COL27A1: variants seen among roughly 807,000 people sequenced by gnomAD.
COL27A1 encodes collagen alpha-1(XXVII) chain.
A neutral mutation model predicts 251.3 loss-of-function variants in COL27A1; 106 were observed. The ratio of observed to expected loss-of-function variants is 0.42; its 90% CI spans 0.36 to 0.50. COL27A1 has a LOEUF of 0.50. COL27A1 is among the 20% of genes least tolerant of loss of function. COL27A1 has a pLI of 0.00. For missense variants in COL27A1, 2,325 were observed against 2,522.8 expected (o/e 0.92, Z 1.68); for synonymous variants, 1,000 against 986.3 (o/e 1.01, Z -0.26).
chr9:114,234,912 C>CAAAAA (rs999381150), intron 16 of COL27A1, among the ~76,000 whole-genome samples: 1 of 105,728 alleles, frequency 9.5e-6, no homozygotes, highest in East Asian at 2.7e-4. Context: ...ACTAAAAATA[C>CAAAAA]AAAAAAAAAA....
chr9:114,290,150 G>GGCCCCCCCCCCCCC lies in COL27A1; in HGVS notation c.4260+39_4260+40insGCCCCCCCCCCCCC. ...GCTGCTGTTTCCAGCCAACCTCCCT[G>GGCCCCCCCCCCCCC]CCCGCCCCCCACACCCGCCCTCCTC... is the stretch of plus-strand genomic sequence containing the variant. On this transcript the variant is annotated intron_variant, in intron 46 of 60. Transcript: ENST00000356083. This position sits in a 1 kb window ranked among gnomAD's most constrained non-coding sequence, Gnocchi z 4.6. The GGCCCCCCCCCCCCC allele has an allele frequency of 6.3e-7, 1 of 1,593,548 alleles. No individual in the cohort carries two copies.
In COL27A1 at chr9:114,196,087, T is replaced by A; in HGVS notation, c.2124+75T>A. 2.4e-6 allele frequency: 3 copies of A among 1,273,628 alleles called. No individual in the cohort carries two copies. The Admixed American group carries it at 5.2e-5, about 22-fold the overall frequency. 78.9% of individuals were successfully genotyped at this position (1,273,628 alleles called of 1,614,324 possible). A position where few individuals can be genotyped will look rare whatever the true frequency, so the allele number is the denominator to read the frequency against. ...GCCAGGTCTTCAGGCAGAAGAGCTG[T>A]GGGCCCACCTGCCTCTCCCCAGCCC... On this transcript the variant is annotated intron_variant, in intron 7 of 60. Coordinates refer to ENST00000356083, the MANE Select transcript of COL27A1 (RefSeq NM_032888.4).
chr9:114,167,773 G>A lies in COL27A1; in HGVS notation c.218G>A (p.Gly73Asp), dbSNP rs1848993632. ...CCGGGAGTCATTCCTTTCCAGTCGG[G>A]CTTCATCTTTACGCAGCGGGCCCGG... Reference protein sequence around the residue: ...APPGVIPFQSGFIFTQRARLQ... With the variant: ...APPGVIPFQSDFIFTQRARLQ... Residue 73 changes from glycine to aspartate, a missense_variant, in exon 3 of 61, where the codon GGC (glycine) becomes GAC (aspartate). By Grantham distance (94) the Gly-to-Asp change is moderately conservative. Transcript: ENST00000356083. 1 of 1,613,760 alleles carries A rather than the reference G, an allele frequency of 6.2e-7. No homozygotes were observed. Among genetic ancestry groups the A allele is most frequent in the Admixed American group, 1.7e-5 (1 of 60,032 alleles).
At position 114,266,625 on chromosome 9, in the gene COL27A1, G is replaced by A; in HGVS notation, c.3447+7G>A. On this transcript the variant is annotated splice_region_variant and intron_variant, in intron 33 of 60. Transcript: ENST00000356083. Reference sequence around the variant, plus strand: ...AGGAGAGATGGGACCCAAGGTGAGTGTGAGAGACCCTTATTCGTCCCATGA... The same window carrying A: ...AGGAGAGATGGGACCCAAGGTGAGTATGAGAGACCCTTATTCGTCCCATGA... 6.2e-7 allele frequency: 1 copy of A among 1,613,034 alleles called. No homozygotes were observed. Among genetic ancestry groups the A allele is most frequent in the Non-Finnish European group, 8.5e-7 (1 of 1,179,044 alleles).
intron 13 of COL27A1, 133 bp downstream of exon 13, chr9:114,219,977 T>C (rs747602501): frequency 2.9e-6 from 2 of 700,072 alleles, no homozygotes; most frequent in Non-Finnish European, 5.1e-6. Flanking sequence ...CTGGGCACCC[T>C]TGGACAAATT....
At chr9:114,258,249 A>G (rs1277640003) in intron 27 of COL27A1, among the ~76,000 whole-genome samples, 1 of 152,172 alleles carries the variant, frequency 6.6e-6, no homozygotes. Flanking sequence ...AGGAGAAGAA[A>G]ATGTCATGCA....
chr9:114,163,653 G>C (rs1163760983), intron 2 of COL27A1, among the ~76,000 whole-genome samples: 1 of 152,214 alleles, frequency 6.6e-6, no homozygotes, highest in Non-Finnish European at 1.5e-5. Context: ...CGTGTGCTGG[G>C]GCAGGCAGCC....
intron 49 of COL27A1, 41 bp downstream of exon 49, chr9:114,292,251 A>G (rs1156353455): frequency 1.4e-6 from 2 of 1,396,256 alleles, no homozygotes; most frequent in South Asian, 2.5e-5. Context: ...ACGCACTCAC[A>G]CATGCACACA....
At chr9:114,287,726 C>T (rs957056094) in intron 41 of COL27A1, among the ~76,000 whole-genome samples, 3 of 152,138 alleles carry the variant, frequency 2.0e-5, no homozygotes, top group Non-Finnish European at 4.4e-5. Flanking sequence ...ACACAGCCCC[C>T]ATGCTGACTG....
chr9:114,165,545 T>A (rs1457777092), intron 2 of COL27A1, among the ~76,000 whole-genome samples: 1 of 149,730 alleles, frequency 6.7e-6, no homozygotes, highest in African/African-American at 2.5e-5. Flanking sequence ...CAGCCAGCCA[T>A]TATCCATGCA....
intron 12 of COL27A1, among the ~76,000 whole-genome samples, chr9:114,212,042 G>A (rs2135342688): frequency 6.6e-6 from 1 of 152,346 alleles, no homozygotes; most frequent in East Asian, 1.9e-4. Context: ...GGGCATGTTA[G>A]CTGTTGGAGC....
At position 114,216,082 on chromosome 9, in the gene COL27A1, G is replaced by A. The variant is rs141965531; in HGVS notation, c.2368-3709G>A. The stretch of plus-strand genomic sequence containing the variant: ...GGCATCCTGCTTTGGATGTGGTGGC[G>A]AGGACCGTCCCTGTCCTCAGCTCTA... On this transcript the variant is annotated intron_variant, in intron 12 of 60. Transcript: ENST00000356083. 7.4e-4 allele frequency among the ~76,000 whole-genome samples: 112 copies of A among 152,334 alleles called. 1 individual carries two copies. The East Asian group carries it at 0.018, about 24-fold the overall frequency.
chr9:114,232,653 C>A lies in COL27A1; in HGVS notation c.2565+787C>A, dbSNP rs529078860. Among the ~76,000 whole-genome samples the A allele has an allele frequency of 3.3e-5, 5 of 152,316 alleles. No homozygotes were observed. In the East Asian group the frequency reaches 5.8e-4, roughly 18 times the overall value. ...AGCCCCTCATGTGGTCAGGTGACAC[C>A]GCACCTGTCTCTAGGTGCCTCTGCT... On this transcript the variant is annotated intron_variant, in intron 16 of 60. Transcript: ENST00000356083.
rs114770711 is a variant in COL27A1 at position 114,269,274 on chromosome 9, C to G, written c.3535C>G (p.Gln1179Glu). The change falls in exon 35 of 61, where the codon CAG (glutamine) becomes GAG (glutamate). Residue 1179 changes from glutamine (Q) to glutamate (E), a missense_variant. Gln to Glu is a conservative substitution (Grantham distance 29). This residue lies in a region of COL27A1 where 662 missense variants were observed against 795.3 expected (regional missense o/e 0.83). Transcript: ENST00000356083. ...TGGACCCCTGGGCACTCCTGGGGAG[C>G]AGGGCCTCATTGGGCAACGGGTAAG... Reference protein sequence around the residue: ...DLGPLGTPGEQGLIGQRGEPG... With the variant: ...DLGPLGTPGEEGLIGQRGEPG... 2.4e-4 allele frequency: 390 copies of G among 1,608,116 alleles called. No homozygotes were observed. The African/African-American group carries it at 4.8e-3, about 20-fold the overall frequency.
At chr9:114,268,036 A>G (rs369605032) in intron 34 of COL27A1, among the ~76,000 whole-genome samples, 20 of 152,318 alleles carry the variant, frequency 1.3e-4, no homozygotes, top group East Asian at 5.8e-4. Flanking sequence ...GTGAGACTTG[A>G]GTCCAGTCAC....
intron 28 of COL27A1, among the ~76,000 whole-genome samples, chr9:114,259,002 G>A (rs7869221): frequency 0.22 from 33,624 of 152,152 alleles, 3,966 homozygotes; most frequent in Middle Eastern, 0.26. Flanking sequence ...GCAGATGCAG[G>A]TGATAAAATA....
intron 2 of COL27A1, 53 bp downstream of exon 2, chr9:114,162,838 C>T: frequency 7.3e-7 from 1 of 1,363,974 alleles, no homozygotes. Flanking sequence ...CGGAAGGGGC[C>T]TGAGAACTCA....
rs1849143594 is a variant in COL27A1, at chr9:114,169,330, T to G, written c.1775T>G (p.Leu592Trp). 2 of 1,612,570 alleles carry G rather than the reference T, an allele frequency of 1.2e-6. No homozygotes were observed. The highest frequency in any genetic ancestry group is 1.7e-6 in the Non-Finnish European group (2 of 1,179,740). Residue 592 changes from leucine to tryptophan, a missense_variant, in exon 3 of 61, where the codon TTG (leucine) becomes TGG (tryptophan). Physicochemically the swap from Leu to Trp is moderately conservative, Grantham distance 61. This residue lies in a region of COL27A1 where 1,183 missense variants were observed against 1,144.1 expected (regional missense o/e 1.03). Transcript: ENST00000356083. Reference sequence around the variant, plus strand: ...CAGCAGACCACCCCGGCCCTGGTATTGGCCCCGGCGCAATTCCTGTCCTCC... The same window carrying G: ...CAGCAGACCACCCCGGCCCTGGTATGGGCCCCGGCGCAATTCCTGTCCTCC... ...PSQQTTPALVLAPAQFLSSSP... is the reference protein window; with the variant it reads ...PSQQTTPALVWAPAQFLSSSP...
At chr9:114,179,832 CTTTTTTTTT>C (rs139712391) in intron 4 of COL27A1, among the ~76,000 whole-genome samples, 2 of 100,188 alleles carry the variant, frequency 2.0e-5, no homozygotes, top group African/African-American at 3.7e-5. Context: ...AGCCTACCAT[CTTTTTTTTT>C]TTTTTTTTTT....
Sources: gnomAD v4.1 joint callset for allele counts (sites outside exome capture counted in the v4.1 genomes callset) on GRCh38, gnomAD v4.1.1 for gene constraint, gnomAD v4.1.1 regional missense constraint, Gnocchi (gnomAD v3.1) non-coding constraint, MANE v1.5 for transcripts, NCBI Gene and HGNC (gene_info 2026-07-23, HGNC 2026-07-21) for gene names.